Variants in MYRFL observed in about 807,000 individuals in gnomAD.
MYRFL encodes the protein myelin regulatory factor like, also known as myelin regulatory factor-like protein.
Under a neutral mutation model 109.4 loss-of-function variants are expected in MYRFL, and 88 were observed. That is an observed-to-expected ratio of 0.80 (90% CI 0.68 to 0.96). MYRFL has a LOEUF of 0.96. Ranked by LOEUF, MYRFL falls within the 40% of genes least tolerant of loss-of-function variation. The pLI is 0.00. For synonymous variants in MYRFL, 324 were observed against 320.9 expected (o/e 1.01, Z -0.10); for missense variants, 957 against 954.9 (o/e 1.00, Z -0.03).
At chr12:69,907,105 G>A (rs1273187233) in intron 11 of MYRFL, among the ~76,000 whole-genome samples, 2 of 152,144 alleles carry the variant, frequency 1.3e-5, no homozygotes, top group Admixed American at 1.3e-4. Context: ...TGCCTCAAGT[G>A]TTTTCCCTAG....
intron 1 of MYRFL, among the ~76,000 whole-genome samples, chr12:69,854,806 A>G (rs570977172): frequency 6.6e-6 from 1 of 152,162 alleles, no homozygotes; most frequent in African/African-American, 2.4e-5. Context: ...CGAAACCCCT[A>G]TTTAATTTTC....
At chr12:69,950,575 T>C (rs768053720) in intron 19 of MYRFL, among the ~76,000 whole-genome samples, 22 of 152,154 alleles carry the variant, frequency 1.4e-4, no homozygotes, top group Non-Finnish European at 2.9e-4. Flanking sequence ...CAGGCTTCAG[T>C]TGAGCAGAGA....
chr12:69,894,499 ATCTT>A (rs1887103556), intron 8 of MYRFL, among the ~76,000 whole-genome samples: 2 of 152,294 alleles, frequency 1.3e-5, no homozygotes, highest in East Asian at 1.9e-4. Flanking sequence ...TTATGGCTAG[ATCTT>A]TCTTTTAATT....
intron 1 of MYRFL, among the ~76,000 whole-genome samples, chr12:69,839,771 T>C (rs765286947): frequency 6.6e-6 from 1 of 152,212 alleles, no homozygotes; most frequent in Non-Finnish European, 1.5e-5. Context: ...TACCAAGTAT[T>C]ATCAATCTTC....
At chr12:69,930,498 C>G (rs912379081) in intron 15 of MYRFL, among the ~76,000 whole-genome samples, 7 of 152,046 alleles carry the variant, frequency 4.6e-5, no homozygotes, top group East Asian at 3.9e-4. Context: ...AATTCACTGA[C>G]TATTTGGAGG....
chr12:69,892,291 G>T (rs550124641), intron 7 of MYRFL, among the ~76,000 whole-genome samples: 13 of 152,232 alleles, frequency 8.5e-5, no homozygotes, highest in African/African-American at 3.1e-4. Flanking sequence ...GATAGAGCTC[G>T]GTTCAGAATG....
chr12:69,892,291 G>A (rs550124641), intron 7 of MYRFL, among the ~76,000 whole-genome samples: 13 of 152,232 alleles, frequency 8.5e-5, no homozygotes, highest in Admixed American at 4.6e-4. Flanking sequence ...GATAGAGCTC[G>A]GTTCAGAATG....
At chr12:69,831,660 G>A (rs915225371) in intron 1 of MYRFL, among the ~76,000 whole-genome samples, 34 of 152,250 alleles carry the variant, frequency 2.2e-4, no homozygotes, top group African/African-American at 8.2e-4. Context: ...GTAATTTTTA[G>A]TTCCTAGTAT....
Position 69,958,873 on chromosome 12 carries a change from G to T in MYRFL, c.*342G>T. 5.0e-6 allele frequency: 1 copy of T among 199,750 alleles called. No individual in the cohort carries two copies. The highest frequency in any genetic ancestry group is 1.0e-5 in the Non-Finnish European group (1 of 99,994). The allele number at this position is 199,750 out of a possible 1,614,324, so 12.4% of individuals were successfully genotyped here. A position where few individuals can be genotyped will look rare whatever the true frequency, so the allele number is the denominator to read the frequency against. ...GATCTAGCCTCTATTTTGTTTTAAT[G>T]TATTTTAAAGCTTTTGAAAAAACCA... On this transcript the variant is annotated 3_prime_UTR_variant, in exon 25 of 25. Coordinates refer to ENST00000552032, the MANE Select transcript of MYRFL (RefSeq NM_182530.3).
chr12:69,925,297 C>G (rs969495085), intron 13 of MYRFL, among the ~76,000 whole-genome samples: 10 of 152,174 alleles, frequency 6.6e-5, no homozygotes, highest in African/African-American at 2.2e-4. Context: ...AGAGAGTTCT[C>G]CAGTGTATCA....
In MYRFL at chr12:69,918,403, A is replaced by G. The variant is rs1010957416; in HGVS notation, c.1602+7473A>G. Among the ~76,000 whole-genome samples the G allele has an allele frequency of 5.9e-5, 9 of 152,212 alleles. 1 individual carries two copies. The highest frequency in any genetic ancestry group is 5.9e-4 in the Admixed American group (9 of 15,270). On this transcript the variant is annotated intron_variant, in intron 13 of 24. Transcript: ENST00000552032. Reference sequence around the variant, plus strand: ...CTGAGAAGATTGGATGAAAGTAGGAAGAGAACATGGGGCAAGCACAGTGTC... The same window carrying G: ...CTGAGAAGATTGGATGAAAGTAGGAGGAGAACATGGGGCAAGCACAGTGTC...
rs1338084805 is a variant in MYRFL at position 69,932,547 on chromosome 12, A to T, written c.1865A>T (p.Asn622Ile). Residue 622 changes from asparagine (N) to isoleucine (I), a missense_variant, in exon 16 of 25, where the codon AAT (asparagine) becomes ATT (isoleucine). Coordinates refer to ENST00000552032, the MANE Select transcript of MYRFL (RefSeq NM_182530.3). ...TCAGGAAAAAGACAGGCGTGTCCTA[A>T]TTGGGTTTTCCAGACCTTGGTTATA... ...YFSGKRQACP[N>I]WVFQTLVITL... 2.6e-6 allele frequency: 4 copies of T among 1,536,104 alleles called. No individual in the cohort carries two copies. The highest frequency in any genetic ancestry group is 3.5e-6 in the Non-Finnish European group (4 of 1,146,878).
intron 5 of MYRFL, among the ~76,000 whole-genome samples, chr12:69,880,951 G>GTT (rs71094746): frequency 0.053 from 5,927 of 112,390 alleles, 378 homozygotes; most frequent in Non-Finnish European, 0.077. Flanking sequence ...CAGCCTTCCT[G>GTT]TTTTTTTTTT....
intron 11 of MYRFL, chr12:69,904,139 T>A (rs1204731266): frequency 3.5e-6 from 1 of 287,656 alleles, no homozygotes; most frequent in Non-Finnish European, 6.5e-6. Context: ...TTGCCCTTCC[T>A]TCCATACTTT....
chr12:69,902,054 T>A (rs1954211950), intron 10 of MYRFL, among the ~76,000 whole-genome samples: 1 of 151,866 alleles, frequency 6.6e-6, no homozygotes, highest in Admixed American at 6.6e-5. Context: ...CCACCACACA[T>A]GGCTAATTTT....
At chr12:69,919,054 C>T (rs1314995497) in intron 13 of MYRFL, among the ~76,000 whole-genome samples, 1 of 152,174 alleles carries the variant, frequency 6.6e-6, no homozygotes, top group Admixed American at 6.5e-5. Context: ...GAGATCCTGT[C>T]TACTTTATCT....
chr12:69,908,917 C>T (rs1423238991), intron 11 of MYRFL, among the ~76,000 whole-genome samples: 2 of 152,078 alleles, frequency 1.3e-5, no homozygotes, highest in African/African-American at 2.4e-5. Flanking sequence ...CCACCCTCCA[C>T]CCTCCACCTT....
chr12:69,944,976 T>C (rs1469651444), intron 19 of MYRFL, among the ~76,000 whole-genome samples: 1 of 142,100 alleles, frequency 7.0e-6, no homozygotes, highest in Admixed American at 6.7e-5. Flanking sequence ...TACTCATTAA[T>C]ACAAATTTTT....
intron 13 of MYRFL, among the ~76,000 whole-genome samples, chr12:69,913,992 T>G (rs1592818558): frequency 6.6e-6 from 1 of 152,210 alleles, no homozygotes; most frequent in Non-Finnish European, 1.5e-5. Context: ...GGTTTATAGT[T>G]TTTATTGTAC....
Sources: allele counts gnomAD v4.1 joint callset (sites outside exome capture counted in the v4.1 genomes callset), GRCh38; gene constraint gnomAD v4.1.1; transcripts MANE v1.5; gene names NCBI Gene and HGNC (gene_info 2026-07-23, HGNC 2026-07-21).